The following CLNK variants were observed in gnomAD, a reference collection of about 807,000 sequenced individuals.
CLNK encodes cytokine dependent hematopoietic cell linker.
CLNK carries 74 observed loss-of-function variants against 68.6 expected under a neutral mutation model. The ratio of observed to expected loss-of-function variants is 1.08; its 90% CI spans 0.89 to 1.31. The LOEUF is 1.31. CLNK is among the 50% of genes most tolerant of loss of function. The pLI is 0.00. For missense variants in CLNK, 553 were observed against 515.3 expected, an observed-to-expected ratio of 1.07 and a Z score of -0.71; for synonymous variants, 198 against 172.2, an observed-to-expected ratio of 1.15 and a Z score of -1.17.
intron 5 of CLNK, among the ~76,000 whole-genome samples, chr4:10,567,218 G>C (rs1048253289): frequency 1.1e-4 from 16 of 151,862 alleles, no homozygotes; most frequent in African/African-American, 3.9e-4. Context: ...AAGACAATGT[G>C]GTATTGGTAG....
intron 8 of CLNK, among the ~76,000 whole-genome samples, chr4:10,543,119 C>A (rs896881575): frequency 6.6e-6 from 1 of 152,136 alleles, no homozygotes; most frequent in Admixed American, 6.5e-5. Flanking sequence ...TGTCACCGAA[C>A]ATGTTGCCAT....
chr4:10,706,488 CTTCAT>C, the CLNK span, among the ~76,000 whole-genome samples: 1 of 152,164 alleles, frequency 6.6e-6, no homozygotes, highest in Non-Finnish European at 1.5e-5. Flanking sequence ...AAGGGAAATA[CTTCAT>C]TTCAATTCCT....
At chr4:10,567,334 G>C (rs1300740168) in intron 5 of CLNK, among the ~76,000 whole-genome samples, 2 of 152,172 alleles carry the variant, frequency 1.3e-5, no homozygotes, top group Non-Finnish European at 2.9e-5. Flanking sequence ...AATACAATGG[G>C]TGGAAAGAAT....
chr4:10,708,104 G>A, the CLNK span, among the ~76,000 whole-genome samples: 1 of 152,164 alleles, frequency 6.6e-6, no homozygotes, highest in African/African-American at 2.4e-5. Context: ...CCCAATGACA[G>A]GAGGAAGTGG....
chr4:10,678,852 T>G (rs13132474), intron 1 of CLNK, among the ~76,000 whole-genome samples: 42,050 of 151,938 alleles, frequency 0.28, 6,038 homozygotes, highest in Admixed American at 0.32. Flanking sequence ...CACTGCTCAA[T>G]GAAATAAAAG....
At chr4:10,628,403 T>C (rs1347955706) in intron 2 of CLNK, among the ~76,000 whole-genome samples, 2 of 151,662 alleles carry the variant, frequency 1.3e-5, no homozygotes, top group Non-Finnish European at 2.9e-5. Flanking sequence ...AATCAACTCA[T>C]AGTAGTTTGC....
At chr4:10,696,049 T>A in the CLNK span, among the ~76,000 whole-genome samples, 3 of 151,954 alleles carry the variant, frequency 2.0e-5, no homozygotes, top group Non-Finnish European at 4.4e-5. Flanking sequence ...AGAGATGGGG[T>A]TTCACCCTGT....
rs77746260 is a variant in CLNK at position 10,592,739 on chromosome 4, C to A, written c.83+5239G>T. 3.3e-5 allele frequency among the ~76,000 whole-genome samples: 5 copies of A among 151,708 alleles called. No homozygotes were observed. The East Asian group carries it at 9.7e-4, about 29-fold the overall frequency. Reference sequence around the variant, plus strand: ...TGTTTATTTATTTATTTATTAGTTTCTTTTGAGGCAGAGTCTCACTCTGTC... The same window carrying A: ...TGTTTATTTATTTATTTATTAGTTTATTTTGAGGCAGAGTCTCACTCTGTC... On this transcript the variant is annotated intron_variant, in intron 3 of 18. Coordinates refer to ENST00000226951, the MANE Select transcript of CLNK (RefSeq NM_052964.4).
chr4:10,535,589 C>A (rs1007997979), intron 11 of CLNK, among the ~76,000 whole-genome samples: 4 of 152,158 alleles, frequency 2.6e-5, no homozygotes, highest in Non-Finnish European at 5.9e-5. Flanking sequence ...GCATGGACCA[C>A]GGTATTAAAA....
intron 2 of CLNK, among the ~76,000 whole-genome samples, chr4:10,599,713 C>T (rs1354616420): frequency 2.6e-5 from 4 of 152,156 alleles, no homozygotes; most frequent in Non-Finnish European, 5.9e-5. Context: ...ACCCCTCCCC[C>T]TCTATCATTG....
At position 10,610,033 on chromosome 4, in the gene CLNK, GTTTTTTTTTTTTTTTTTT is replaced by G. The variant is rs71181047; in HGVS notation, c.12-12002_12-11985del. On this transcript the variant is annotated intron_variant, in intron 2 of 18. Transcript: ENST00000226951. ...TTATGTGCCTTTTAAATGAATGCTC[GTTTTTTTTTTTTTTTTTT>G]TTTTTTTTTTTTTTTTTTTTTTTGA... 2.5e-3 allele frequency among the ~76,000 whole-genome samples: 182 copies of G among 73,432 alleles called. 1 individual carries two copies. Among genetic ancestry groups the G allele is most frequent in the African/African-American group, 3.9e-3 (61 of 15,518 alleles). 48.2% of individuals were successfully genotyped at this position (73,432 alleles called of 152,430 possible). A position where few individuals can be genotyped will look rare whatever the true frequency, so the allele number is the denominator to read the frequency against.
At chr4:10,673,766 A>C (rs1264355830) in intron 1 of CLNK, among the ~76,000 whole-genome samples, 1 of 151,706 alleles carries the variant, frequency 6.6e-6, no homozygotes, top group Non-Finnish European at 1.5e-5. Context: ...ATGATAATGG[A>C]AGGGGAGGCA....
At chr4:10,625,561 A>G (rs1204993892) in intron 2 of CLNK, among the ~76,000 whole-genome samples, 1 of 152,164 alleles carries the variant, frequency 6.6e-6, no homozygotes, top group Non-Finnish European at 1.5e-5. Context: ...GAGACAGAGA[A>G]GGACAGACAC....
intron 2 of CLNK, among the ~76,000 whole-genome samples, chr4:10,608,313 T>G (rs563901262): frequency 2.0e-5 from 3 of 152,372 alleles, no homozygotes; most frequent in African/African-American, 7.2e-5. Flanking sequence ...AGATTGCTCA[T>G]GCAGTCTCCT....
chr4:10,653,200 G>T (rs896160845), intron 2 of CLNK, among the ~76,000 whole-genome samples: 1 of 152,170 alleles, frequency 6.6e-6, no homozygotes, highest in African/African-American at 2.4e-5. Context: ...GGAGATGGGG[G>T]GCTAGGGGAG....
At chr4:10,555,770 C>A (rs1241519822) in intron 8 of CLNK, among the ~76,000 whole-genome samples, 1 of 152,120 alleles carries the variant, frequency 6.6e-6, no homozygotes, top group African/African-American at 2.4e-5. Context: ...AATGTGTTTG[C>A]ATCAAAAATA....
intron 8 of CLNK, among the ~76,000 whole-genome samples, chr4:10,553,208 C>G (rs961441821): frequency 5.9e-5 from 9 of 152,124 alleles, no homozygotes; most frequent in Non-Finnish European, 1.3e-4. Flanking sequence ...AGAATTGAAA[C>G]TAATATATGA....
the CLNK span, among the ~76,000 whole-genome samples, chr4:10,700,777 C>A: frequency 6.6e-6 from 1 of 151,990 alleles, no homozygotes; most frequent in African/African-American, 2.4e-5. Flanking sequence ...GTCTTTCATA[C>A]AATGAAAGAA....
intron 3 of CLNK, among the ~76,000 whole-genome samples, chr4:10,594,358 C>T (rs532995846): frequency 5.9e-5 from 9 of 152,206 alleles, no homozygotes; most frequent in Admixed American, 1.3e-4. Flanking sequence ...GAATTCAAGC[C>T]CAGGGGCCTC....
Sources: gnomAD v4.1 joint callset for allele counts (sites outside exome capture counted in the v4.1 genomes callset) on GRCh38, gnomAD v4.1.1 for gene constraint, MANE v1.5 for transcripts, NCBI Gene and HGNC (gene_info 2026-07-23, HGNC 2026-07-21) for gene names.